Variants in PPFIA2 observed in about 807,000 individuals in gnomAD.
The protein encoded by PPFIA2 is PPFI scaffold protein A2.
A neutral mutation model predicts 175.5 loss-of-function variants in PPFIA2; 46 were observed. The ratio of observed to expected loss-of-function variants is 0.26; its 90% CI spans 0.21 to 0.34. The LOEUF is 0.34. Ranked by LOEUF, PPFIA2 falls within the 10% of genes least tolerant of loss-of-function variation. PPFIA2 has a pLI of 1.00. For synonymous variants in PPFIA2, 568 were observed against 511.4 expected, an observed-to-expected ratio of 1.11 and a Z score of -1.49; for missense variants, 1,179 against 1,506.1, an observed-to-expected ratio of 0.78 and a Z score of 3.60.
At chr12:81,395,634 C>T (rs889496245) in intron 8 of PPFIA2, among the ~76,000 whole-genome samples, 5 of 152,180 alleles carry the variant, frequency 3.3e-5, no homozygotes, top group African/African-American at 9.6e-5. Context: ...AGATTCCCCT[C>T]TTCAGGAATC....
intron 24 of PPFIA2, among the ~76,000 whole-genome samples, chr12:81,287,849 T>C (rs1043701587): frequency 6.6e-6 from 1 of 151,770 alleles, no homozygotes; most frequent in Non-Finnish European, 1.5e-5. Context: ...GGATTGAGGA[T>C]ACAGTACAAA....
intron 20 of PPFIA2, among the ~76,000 whole-genome samples, chr12:81,340,513 T>A (rs2057862219): frequency 6.6e-6 from 1 of 152,120 alleles, no homozygotes; most frequent in African/African-American, 2.4e-5. Context: ...GATAAGACAG[T>A]ATAAAGAATT....
At chr12:81,314,656 T>A (rs1370522212) in intron 22 of PPFIA2, among the ~76,000 whole-genome samples, 1 of 151,898 alleles carries the variant, frequency 6.6e-6, no homozygotes. Flanking sequence ...CTCCTACAAT[T>A]GAATGAACCT....
At chr12:81,424,584 T>C (rs2046827693) in intron 7 of PPFIA2, among the ~76,000 whole-genome samples, 1 of 152,210 alleles carries the variant, frequency 6.6e-6, no homozygotes, top group Non-Finnish European at 1.5e-5. Context: ...TTAATATTCA[T>C]TCTCACATTC....
At chr12:81,732,718 T>C (rs2081082845) in intron 3 of PPFIA2, among the ~76,000 whole-genome samples, 1 of 151,568 alleles carries the variant, frequency 6.6e-6, no homozygotes. Context: ...ATATGTTAAG[T>C]GAAAATGCAG....
chr12:81,267,397 A>C (rs2037603760), intron 29 of PPFIA2: 1 of 332,114 alleles, frequency 3.0e-6, no homozygotes, highest in Admixed American at 4.6e-5. Context: ...AAACCTGGCC[A>C]ATGATTATCA....
At chr12:81,607,396 G>A (rs942054084) in intron 4 of PPFIA2, among the ~76,000 whole-genome samples, 1 of 152,090 alleles carries the variant, frequency 6.6e-6, no homozygotes, top group Non-Finnish European at 1.5e-5. Context: ...CAGGTGTATG[G>A]ACATTTTAAT....
At chr12:81,593,569 T>C (rs1484302968) in intron 4 of PPFIA2, among the ~76,000 whole-genome samples, 1 of 152,178 alleles carries the variant, frequency 6.6e-6, no homozygotes, top group African/African-American at 2.4e-5. Context: ...AATAAAATGG[T>C]CTTGGGGATT....
At chr12:81,636,499 T>C (rs917456166) in intron 4 of PPFIA2, among the ~76,000 whole-genome samples, 7 of 150,764 alleles carry the variant, frequency 4.6e-5, no homozygotes, top group Admixed American at 2.0e-4. Flanking sequence ...TCTCCTGACC[T>C]CGTGATCCGC....
chr12:81,727,506 G>C (rs1568026420), intron 3 of PPFIA2, among the ~76,000 whole-genome samples: 1 of 151,156 alleles, frequency 6.6e-6, no homozygotes. Flanking sequence ...TTTCTTTGGG[G>C]ATCTCTACTT....
chr12:81,336,300 C>T (rs2057120469), intron 21 of PPFIA2, among the ~76,000 whole-genome samples: 1 of 152,122 alleles, frequency 6.6e-6, no homozygotes, highest in African/African-American at 2.4e-5. Context: ...CTTTTCAATA[C>T]AGTGCTTCCT....
At chr12:81,640,632 G>A (rs1469162868) in intron 4 of PPFIA2, among the ~76,000 whole-genome samples, 1 of 151,968 alleles carries the variant, frequency 6.6e-6, no homozygotes, top group African/African-American at 2.4e-5. Context: ...TCCATTGACA[G>A]TACAATTAAA....
chr12:81,549,996 C>T (rs953531048), intron 4 of PPFIA2, among the ~76,000 whole-genome samples: 2 of 151,894 alleles, frequency 1.3e-5, no homozygotes, highest in African/African-American at 4.8e-5. Context: ...TATTCCAAGG[C>T]AAAGATAGCT....
At chr12:81,495,348 A>T (rs987792309) in intron 4 of PPFIA2, among the ~76,000 whole-genome samples, 2 of 152,142 alleles carry the variant, frequency 1.3e-5, no homozygotes, top group African/African-American at 4.8e-5. Context: ...ACATGAATAA[A>T]AAAAACATAA....
intron 7 of PPFIA2, among the ~76,000 whole-genome samples, chr12:81,410,602 T>C (rs2043762667): frequency 6.6e-6 from 1 of 152,086 alleles, no homozygotes; most frequent in Non-Finnish European, 1.5e-5. Flanking sequence ...TCTGTTGACA[T>C]TTGCTTTCAG....
At chr12:81,678,762 T>C (rs1037589074) in intron 3 of PPFIA2, among the ~76,000 whole-genome samples, 19 of 151,892 alleles carry the variant, frequency 1.3e-4, no homozygotes, top group Non-Finnish European at 2.4e-4. Flanking sequence ...GATTGTATCA[T>C]TTGAGGAATG....
chr12:81,492,195 A>C (rs563647572), intron 4 of PPFIA2, among the ~76,000 whole-genome samples: 10 of 152,042 alleles, frequency 6.6e-5, no homozygotes, highest in African/African-American at 2.2e-4. Context: ...ACATCTGCAC[A>C]AAAAAACCCA....
intron 3 of PPFIA2, among the ~76,000 whole-genome samples, chr12:81,731,691 T>G (rs2080933036): frequency 6.6e-6 from 1 of 151,640 alleles, no homozygotes; most frequent in Non-Finnish European, 1.5e-5. Flanking sequence ...CAGACAACCT[T>G]GGGTAGAATT....
chr12:81,348,131 G>A (rs528113179), intron 17 of PPFIA2, among the ~76,000 whole-genome samples: 35 of 152,106 alleles, frequency 2.3e-4, no homozygotes, highest in African/African-American at 7.2e-4. Context: ...CACTAAAAGA[G>A]ACTTTAGAAA....
Sources: gnomAD v4.1 joint callset for allele counts (sites outside exome capture counted in the v4.1 genomes callset) on GRCh38, gnomAD v4.1.1 for gene constraint, MANE v1.5 for transcripts, NCBI Gene and HGNC (gene_info 2026-07-23, HGNC 2026-07-21) for gene names.